DHX29: variants seen among roughly 807,000 people sequenced by gnomAD.
The protein encoded by DHX29 is ATP-dependent RNA helicase DHX29.
Under a neutral mutation model 167.9 loss-of-function variants are expected in DHX29, and 79 were observed. The ratio of observed to expected loss-of-function variants is 0.47; its 90% CI spans 0.39 to 0.57. The LOEUF is 0.57. Ranked by LOEUF, DHX29 falls within the 20% of genes least tolerant of loss-of-function variation. The pLI, the probability that DHX29 is intolerant of heterozygous loss-of-function variation, is 0.00. For synonymous variants in DHX29, 530 were observed against 546.0 expected, an observed-to-expected ratio of 0.97 and a Z score of 0.41; for missense variants, 1,347 against 1,593.4, an observed-to-expected ratio of 0.85 and a Z score of 2.63.
In DHX29 at chr5:55,275,725, C is replaced by CTATGTATGTATG. The variant is rs375674768; in HGVS notation, c.2427+529_2427+540dup. Among the ~76,000 whole-genome samples, 67 of 148,870 alleles carry CTATGTATGTATG rather than the reference C, an allele frequency of 4.5e-4. 1 individual carries two copies. The highest frequency in any genetic ancestry group is 3.4e-4 in the Non-Finnish European group (23 of 67,356). On this transcript the variant is annotated intron_variant, in intron 14 of 26. Transcript: ENST00000251636. ...AAGAACTATGCCCTAGACAGCTTCA[C>CTATGTATGTATG]TATGTATGTATGTATGTATGTATGT...
intron 26 of DHX29, among the ~76,000 whole-genome samples, chr5:55,257,625 G>A (rs1162886954): frequency 6.6e-6 from 1 of 152,140 alleles, no homozygotes; most frequent in African/African-American, 2.4e-5. Flanking sequence ...GGAAGAGAGA[G>A]TAAAAGAAAG....
intron 1 of DHX29, among the ~76,000 whole-genome samples, chr5:55,302,766 C>G (rs1748668944): frequency 6.6e-6 from 1 of 152,086 alleles, no homozygotes; most frequent in Non-Finnish European, 1.5e-5. Context: ...AGCTGAGTTT[C>G]TGAAAAATGA....
rs1226916397 is a variant in DHX29, at chr5:55,270,685, C to T, written c.2886G>A (p.Met962Ile). Residue 962 changes from methionine (M) to isoleucine (I), a missense_variant, in exon 19 of 27, where the codon ATG becomes ATA. Met to Ile is a conservative substitution (Grantham distance 10). Around this residue, in one of 3 missense-constraint regions of DHX29, gnomAD observed 882 missense variants for 1,082.4 expected, o/e 0.81. Transcript: ENST00000251636. Reference protein sequence around the residue: ...KENKYHESSQMSSLVETFVSK... With the variant: ...KENKYHESSQISSLVETFVSK... ...TGACAAACGTCTCCACCAAAGAACT[C>T]ATCTGACTGCTTTCATGGTACCTAA... 6.2e-7 allele frequency: 1 copy of T among 1,612,766 alleles called. No homozygotes were observed. Among genetic ancestry groups the T allele is most frequent in the Admixed American group, 1.7e-5 (1 of 60,014 alleles).
At chr5:55,268,892 A>G (rs1393390412) in intron 21 of DHX29, among the ~76,000 whole-genome samples, 3 of 152,216 alleles carry the variant, frequency 2.0e-5, no homozygotes, top group African/African-American at 4.8e-5. Context: ...CATCCACTAC[A>G]TATTCCATTA....
In DHX29 at chr5:55,275,001, G is replaced by T. The variant is rs760163079; in HGVS notation, c.2437C>A (p.Pro813Thr). 1.2e-6 allele frequency: 2 copies of T among 1,610,728 alleles called. No homozygotes were observed. Among genetic ancestry groups the T allele is most frequent in the African/African-American group, 2.7e-5 (2 of 74,826 alleles). ...TCAGCATGTGCTCCAGTCTGAACTG[G>T]GATGTATTCCTAAAAGAAATCCAAC... ...GGIKKYQEYI[P>T]VQTGAHADLN... Residue 813 changes from proline (P) to threonine (T), a missense_variant, in exon 15 of 27, where the codon CCA (proline) becomes ACA (threonine). This residue lies in a region of DHX29 where 882 missense variants were observed against 1,082.4 expected (regional missense o/e 0.81). Transcript: ENST00000251636.
Position 55,261,458 on chromosome 5 carries a change from T to C in DHX29, c.3870A>G (p.Ile1290Met). 1 of 1,573,286 alleles carries C rather than the reference T, an allele frequency of 6.4e-7. No individual in the cohort carries two copies. Among genetic ancestry groups the C allele is most frequent in the Non-Finnish European group, 8.7e-7 (1 of 1,143,360 alleles). The change falls in exon 25 of 27, where the codon ATA becomes ATG. Residue 1290 changes from isoleucine (I) to methionine (M), a missense_variant. Coordinates refer to ENST00000251636, the MANE Select transcript of DHX29 (RefSeq NM_019030.4). The stretch of plus-strand genomic sequence containing the variant: ...CAAAAAGTAAAACTGGAAAAGGGGT[T>C]ATTAGGGTAGTTTCTCTCAAATACA... ...ARVYLRETTL[I>M]TPFPVLLFGG...
chr5:55,260,004 A>G, intron 25 of DHX29, 60 bp from the exon 26 acceptor site: 4 of 941,594 alleles, frequency 4.2e-6, no homozygotes, highest in Non-Finnish European at 6.7e-6. Context: ...AATGTGTTTA[A>G]GTAAATCAAG....
chr5:55,261,027 C>T (rs1244631301), intron 25 of DHX29, among the ~76,000 whole-genome samples: 1 of 152,118 alleles, frequency 6.6e-6, no homozygotes, highest in Admixed American at 6.5e-5. Flanking sequence ...TAATTTCTCA[C>T]TGTGTTTGAG....
chr5:55,276,059 C>T (rs1272935254), intron 14 of DHX29, among the ~76,000 whole-genome samples: 1 of 152,022 alleles, frequency 6.6e-6, no homozygotes, highest in Non-Finnish European at 1.5e-5. Context: ...TCTAAGAGGA[C>T]AATCAAAGTA....
intron 25 of DHX29, among the ~76,000 whole-genome samples, chr5:55,260,343 T>A (rs1746253891): frequency 6.6e-6 from 1 of 152,120 alleles, no homozygotes; most frequent in African/African-American, 2.4e-5. Flanking sequence ...GCGATTCTCC[T>A]GCCTCAGCCT....
chr5:55,296,571 TC>T (rs1748332580), intron 3 of DHX29, among the ~76,000 whole-genome samples: 1 of 152,194 alleles, frequency 6.6e-6, no homozygotes, highest in African/African-American at 2.4e-5. Context: ...ATTCTCACTA[TC>T]CAAAGATACT....
chr5:55,272,424 T>C (rs563238720), intron 17 of DHX29, among the ~76,000 whole-genome samples: 2 of 152,246 alleles, frequency 1.3e-5, no homozygotes, highest in African/African-American at 4.8e-5. Flanking sequence ...CTAATTCTAG[T>C]CAATCTCTTA....
At position 55,274,895 on chromosome 5, in the gene DHX29, T is replaced by C. The variant is rs1023621971; in HGVS notation, c.2543A>G (p.Asp848Gly). The change falls in exon 15 of 27, where the codon GAT becomes GGT. Residue 848 changes from aspartate to glycine, a missense_variant. Around this residue, in one of 3 missense-constraint regions of DHX29, gnomAD observed 882 missense variants for 1,082.4 expected, o/e 0.81. Coordinates refer to ENST00000251636, the MANE Select transcript of DHX29 (RefSeq NM_019030.4). Reference protein sequence around the residue: ...LYMNPHKINLDLILELLAYLD... With the variant: ...LYMNPHKINLGLILELLAYLD... ...GTATGCAAGAAGTTCCAAAATGAGATCCAGGTTGATTTTATGAGGATTCAT... is the reference window on the plus strand; with the variant it reads ...GTATGCAAGAAGTTCCAAAATGAGACCCAGGTTGATTTTATGAGGATTCAT... 1.2e-6 allele frequency: 2 copies of C among 1,613,508 alleles called. No homozygotes were observed. The highest frequency in any genetic ancestry group is 2.7e-5 in the African/African-American group (2 of 74,900).
At chr5:55,305,366 G>A (rs1167957160) in intron 1 of DHX29, among the ~76,000 whole-genome samples, 1 of 152,174 alleles carries the variant, frequency 6.6e-6, no homozygotes, top group Non-Finnish European at 1.5e-5. Flanking sequence ...ATACGAGGAA[G>A]GAGAAAGCTA....
chr5:55,286,899 G>T (rs1747759199), intron 8 of DHX29, among the ~76,000 whole-genome samples: 1 of 152,042 alleles, frequency 6.6e-6, no homozygotes, highest in Admixed American at 6.6e-5. Flanking sequence ...TTCTTGGAAG[G>T]ACTGTTCCAC....
At chr5:55,275,676 T>G (rs1397972569) in intron 14 of DHX29, among the ~76,000 whole-genome samples, 1 of 152,162 alleles carries the variant, frequency 6.6e-6, no homozygotes, top group African/African-American at 2.4e-5. Flanking sequence ...TCTGAAAACA[T>G]GTCATTGAGA....
At chr5:55,272,686 T>C (rs1419021936) in intron 17 of DHX29, among the ~76,000 whole-genome samples, 4 of 152,078 alleles carry the variant, frequency 2.6e-5, no homozygotes, top group Admixed American at 1.3e-4. Context: ...TGAGCCGAGA[T>C]TGTGCCACTG....
chr5:55,268,767 T>G (rs1746706090), intron 21 of DHX29, among the ~76,000 whole-genome samples: 1 of 152,106 alleles, frequency 6.6e-6, no homozygotes, highest in African/African-American at 2.4e-5. Flanking sequence ...TGACATAATT[T>G]GAGAAAAGAG....
At chr5:55,275,583 GC>G (rs1194512033) in intron 14 of DHX29, among the ~76,000 whole-genome samples, 1 of 152,152 alleles carries the variant, frequency 6.6e-6, no homozygotes, top group Non-Finnish European at 1.5e-5. Context: ...TTGGAAACAT[GC>G]ATGAAATATC....
Sources: allele counts gnomAD v4.1 joint callset (sites outside exome capture counted in the v4.1 genomes callset), GRCh38; gene constraint gnomAD v4.1.1; regional missense constraint gnomAD v4.1.1; transcripts MANE v1.5; gene names NCBI Gene and HGNC (gene_info 2026-07-23, HGNC 2026-07-21).